Variants in NR1I2 observed in about 807,000 individuals in gnomAD.
NR1I2 encodes the protein orphan nuclear receptor PAR1.
A neutral mutation model predicts 43.3 loss-of-function variants in NR1I2; 42 were observed. That is an observed-to-expected ratio of 0.97 (90% CI 0.76 to 1.26). The LOEUF is 1.26. NR1I2 is among the 50% of genes most tolerant of loss of function. NR1I2 has a pLI of 0.00. For missense variants in NR1I2, 559 were observed against 566.7 expected, an observed-to-expected ratio of 0.99 and a Z score of 0.14; for synonymous variants, 229 against 215.0, an observed-to-expected ratio of 1.06 and a Z score of -0.57.
intron 1 of NR1I2, among the ~76,000 whole-genome samples, chr3:119,794,278 G>T (rs537461330): frequency 2.6e-5 from 4 of 151,708 alleles, no homozygotes; most frequent in Non-Finnish European, 5.9e-5. Context: ...CTGCAGCCTC[G>T]ACCTCCTGGG....
chr3:119,817,367 AT>A lies in NR1I2; in HGVS notation c.*157del, dbSNP rs2055345656. Reference sequence around the variant, plus strand: ...ATTCCTGCTATGACAGCTGGCTAGCATTCCTCAGGAAGGACATGGGTGCCCC... The same window carrying A: ...ATTCCTGCTATGACAGCTGGCTAGCATCCTCAGGAAGGACATGGGTGCCCC... On this transcript the variant is annotated 3_prime_UTR_variant, in exon 9 of 9. Coordinates refer to ENST00000393716, the MANE Select transcript of NR1I2 (RefSeq NM_003889.4). The A allele has an allele frequency of 6.6e-7, 1 of 1,516,946 alleles. No individual in the cohort carries two copies. Among genetic ancestry groups the A allele is most frequent in the Non-Finnish European group, 8.8e-7 (1 of 1,136,026 alleles). 94.0% of individuals were successfully genotyped at this position (1,516,946 alleles called of 1,614,324 possible).
In NR1I2 at chr3:119,811,554, AGGCCGTGGAGGAGAGGCG is replaced by A. The variant is rs756604349; in HGVS notation, c.352_369del (p.Val118_Ala123del). 11 of 1,613,312 alleles carry A rather than the reference AGGCCGTGGAGGAGAGGCG, an allele frequency of 6.8e-6. No individual in the cohort carries two copies. The Admixed American group carries it at 1.7e-4, about 24-fold the overall frequency. ...GTCCCTGCAGTGATCATGTCCGACGAGGCCGTGGAGGAGAGGCGGGCCTTGATCAAGCGGAAGAAAAGT... is the reference window on the plus strand; with the variant it reads ...GTCCCTGCAGTGATCATGTCCGACGAGGCCTTGATCAAGCGGAAGAAAAGT... On this transcript the variant is annotated inframe_deletion, in exon 4 of 9. Coordinates refer to ENST00000393716, the MANE Select transcript of NR1I2 (RefSeq NM_003889.4).
intron 2 of NR1I2, among the ~76,000 whole-genome samples, chr3:119,808,021 A>G (rs62264685): frequency 2.7e-3 from 409 of 152,310 alleles, no homozygotes; most frequent in Non-Finnish European, 4.7e-3. Flanking sequence ...CTGGGCATTC[A>G]AATGGAAAAG....
Position 119,815,090 on chromosome 3 carries a change from C to T in NR1I2, c.906C>T (p.Gly302=), listed in dbSNP as rs201819659. 2 of 1,614,120 alleles carry T rather than the reference C, an allele frequency of 1.2e-6. No homozygotes were observed. The highest frequency in any genetic ancestry group is 1.7e-6 in the Non-Finnish European group (2 of 1,180,028). The change falls in exon 6 of 9, where the codon GGC becomes GGT. Residue 302 remains glycine, a synonymous_variant. Coordinates refer to ENST00000393716, the MANE Select transcript of NR1I2 (RefSeq NM_003889.4). ...CGGAGACTGGAACCTGGGAGTGTGG[C>T]CGGCTGTCCTACTGCTTGGAAGACA...
rs114472547 is a variant in NR1I2, at chr3:119,795,139, G to C, written c.-22-12090G>C. Among the ~76,000 whole-genome samples the C allele has an allele frequency of 4.0e-3, 606 of 152,240 alleles. 3 individuals carry two copies. Among genetic ancestry groups the C allele is most frequent in the African/African-American group, 0.014 (570 of 41,524 alleles). On this transcript the variant is annotated intron_variant, in intron 1 of 8. Transcript: ENST00000393716. ...TTGGCTGGGGTTGGTCAGTGCACAG[G>C]CCAGTAAGGGAGCTGGGCAAGTGCA...
In NR1I2 at chr3:119,815,378, G is replaced by A. The variant is rs759322397; in HGVS notation, c.993G>A (p.Lys331=). The stretch of plus-strand genomic sequence containing the variant: ...TGCTGAAATTCCACTACATGCTGAA[G>A]AAGCTGCAGCTGCATGAGGAGGAGT... Residue 331 remains lysine, a synonymous_variant, in exon 7 of 9, where the codon AAG becomes AAA. Coordinates refer to ENST00000393716, the MANE Select transcript of NR1I2 (RefSeq NM_003889.4). 24 of 1,613,766 alleles carry A rather than the reference G, an allele frequency of 1.5e-5. No individual in the cohort carries two copies. The highest frequency in any genetic ancestry group is 8.3e-5 in the Admixed American group (5 of 60,010).
intron 2 of NR1I2, 130 bp from the exon 3 acceptor site, chr3:119,809,930 TG>T: frequency 1.7e-6 from 2 of 1,196,998 alleles, no homozygotes; most frequent in Non-Finnish European, 2.4e-6. Flanking sequence ...CTGACCCAGC[TG>T]GGACGCAAAG....
Position 119,817,678 on chromosome 3 carries a change from G to T in NR1I2, c.*466G>T. ...TAGTCCTGTCTCCCACTTCCCACTC[G>T]TTCCCCTCCTCTTCCGAGCTGCTTT... On this transcript the variant is annotated 3_prime_UTR_variant, in exon 9 of 9. Transcript: ENST00000393716. 2 of 1,112,254 alleles carry T rather than the reference G, an allele frequency of 1.8e-6. No homozygotes were observed. Among genetic ancestry groups the T allele is most frequent in the Non-Finnish European group, 2.2e-6 (2 of 902,812 alleles). The allele number at this position is 1,112,254 out of a possible 1,614,324, so 68.9% of individuals were successfully genotyped here. A position where few individuals can be genotyped will look rare whatever the true frequency, so the allele number is the denominator to read the frequency against.
intron 1 of NR1I2, among the ~76,000 whole-genome samples, chr3:119,801,515 G>C (rs2055081269): frequency 6.6e-6 from 1 of 152,260 alleles, no homozygotes; most frequent in South Asian, 2.1e-4. Context: ...ATTCTGTAAA[G>C]GAACAGTGAT....
rs975643219 is a variant in NR1I2 at position 119,817,859 on chromosome 3, A to G, written c.*647A>G. On this transcript the variant is annotated 3_prime_UTR_variant, in exon 9 of 9. Coordinates refer to ENST00000393716, the MANE Select transcript of NR1I2 (RefSeq NM_003889.4). Reference sequence around the variant, plus strand: ...TGTGTCTCTGCATCCATTTGAACACATTATTAAGCACCGATAATAGGTAGC... The same window carrying G: ...TGTGTCTCTGCATCCATTTGAACACGTTATTAAGCACCGATAATAGGTAGC... 1.0e-6 allele frequency: 1 copy of G among 992,606 alleles called. No individual in the cohort carries two copies. The highest frequency in any genetic ancestry group is 1.2e-6 in the Non-Finnish European group (1 of 833,700). The allele number at this position is 992,606 out of a possible 1,614,324, so 61.5% of individuals were successfully genotyped here.
chr3:119,797,315 G>C (rs1270241164), intron 1 of NR1I2, among the ~76,000 whole-genome samples: 1 of 151,774 alleles, frequency 6.6e-6, no homozygotes, highest in Non-Finnish European at 1.5e-5. Flanking sequence ...GAAAGGAAAT[G>C]GCCTCATGAG....
chr3:119,809,126 C>T (rs1461867358), intron 2 of NR1I2, among the ~76,000 whole-genome samples: 1 of 152,208 alleles, frequency 6.6e-6, no homozygotes, highest in Admixed American at 6.5e-5. Flanking sequence ...GCTCCTGGGC[C>T]AGCCTTCCCT....
intron 8 of NR1I2, among the ~76,000 whole-genome samples, chr3:119,816,721 T>TGA (rs2055334454): frequency 6.6e-6 from 1 of 151,752 alleles, no homozygotes; most frequent in African/African-American, 2.4e-5. Flanking sequence ...CCCAGGAGGC[T>TGA]GAGGCTGGAG....
intron 1 of NR1I2, among the ~76,000 whole-genome samples, chr3:119,803,761 CT>C (rs577938453): frequency 0.081 from 11,745 of 145,232 alleles, 551 homozygotes; most frequent in Middle Eastern, 0.18. Flanking sequence ...TCTCAGTGTA[CT>C]TTTTTTTTTT....
chr3:119,812,142 T>C (rs2055252693), intron 4 of NR1I2, among the ~76,000 whole-genome samples: 1 of 151,682 alleles, frequency 6.6e-6, no homozygotes, highest in Non-Finnish European at 1.5e-5. Context: ...CGGGGCTTTA[T>C]GAGGACAGGA....
At chr3:119,807,516 G>C in intron 2 of NR1I2, 69 bp downstream of exon 2, 1 of 1,386,856 alleles carries the variant, frequency 7.2e-7, no homozygotes, top group South Asian at 1.2e-5. Flanking sequence ...CAGGGCCTCA[G>C]CTTGACCTGT....
Position 119,790,592 on chromosome 3 carries a change from G to A in NR1I2, c.-23+8292G>A, listed in dbSNP as rs145121299. On this transcript the variant is annotated intron_variant, in intron 1 of 8. Coordinates refer to ENST00000393716, the MANE Select transcript of NR1I2 (RefSeq NM_003889.4). ...TGTTATTTTCTGTTTATGTGATAGC[G>A]GCCATCCTGAATATAAAGTGATGTT... Among the ~76,000 whole-genome samples, 738 of 152,090 alleles carry A rather than the reference G, an allele frequency of 4.9e-3. 4 individuals are homozygous for A. The highest frequency in any genetic ancestry group is 0.016 in the African/African-American group (679 of 41,464).
chr3:119,786,216 G>A (rs2054841100), intron 1 of NR1I2, among the ~76,000 whole-genome samples: 1 of 152,114 alleles, frequency 6.6e-6, no homozygotes. Flanking sequence ...TTCTTAGTGT[G>A]GTTGCCACGT....
chr3:119,802,897 A>G (rs2055099581), intron 1 of NR1I2: 2 of 456,570 alleles, frequency 4.4e-6, no homozygotes. Context: ...AATGAGTGCC[A>G]TGTTCTGAAT....
Sources: gnomAD v4.1 joint callset for allele counts (sites outside exome capture counted in the v4.1 genomes callset) on GRCh38, gnomAD v4.1.1 for gene constraint, MANE v1.5 for transcripts, NCBI Gene and HGNC (gene_info 2026-07-23, HGNC 2026-07-21) for gene names.